ZDHHC14: variants seen among roughly 807,000 people sequenced by gnomAD.
The protein encoded by ZDHHC14 is palmitoyltransferase ZDHHC14.
In ZDHHC14, 16 loss-of-function variants were observed where a neutral mutation model predicts 47.7. The ratio of observed to expected loss-of-function variants is 0.34; its 90% CI spans 0.23 to 0.51. ZDHHC14 has a LOEUF of 0.51. Among genes scored for constraint, ZDHHC14 ranks in the 20% least tolerant of loss-of-function variants. The pLI is 0.97. For missense variants in ZDHHC14, 515 were observed against 662.5 expected, an observed-to-expected ratio of 0.78 and a Z score of 2.44; for synonymous variants, 293 against 278.9, an observed-to-expected ratio of 1.05 and a Z score of -0.50.
intron 1 of ZDHHC14, among the ~76,000 whole-genome samples, chr6:157,382,616 A>T (rs3861977): frequency 0.092 from 14,050 of 152,164 alleles, 779 homozygotes; most frequent in Middle Eastern, 0.16. Context: ...ATCAGCCCAG[A>T]TGTAGCCTGC....
chr6:157,566,577 G>A (rs1483309222), intron 2 of ZDHHC14, among the ~76,000 whole-genome samples: 1 of 152,182 alleles, frequency 6.6e-6, no homozygotes, highest in Non-Finnish European at 1.5e-5. Flanking sequence ...GCTCTTTCAG[G>A]GTAGGTCCGA....
intron 1 of ZDHHC14, among the ~76,000 whole-genome samples, chr6:157,439,038 A>G (rs1778505886): frequency 6.6e-6 from 1 of 152,162 alleles, no homozygotes. Context: ...AGTTCATGTG[A>G]GGGTCATTGA....
At position 157,586,025 on chromosome 6, in the gene ZDHHC14, G is replaced by A. The variant is rs1356718748; in HGVS notation, c.407-6963G>A. On this transcript the variant is annotated intron_variant, in intron 2 of 8. Coordinates refer to ENST00000359775, the MANE Select transcript of ZDHHC14 (RefSeq NM_024630.3). The surrounding 1 kb of genome is among the most constrained non-coding windows in gnomAD (Gnocchi z 4.6). ...CTATGTGCTAGACTCTCTGCTGGAT[G>A]ATGGGGACTTGAAAGTGGATAGGCC... Among the ~76,000 whole-genome samples the A allele has an allele frequency of 6.6e-6, 1 of 152,222 alleles. No homozygotes were observed. The highest frequency in any genetic ancestry group is 2.4e-5 in the African/African-American group (1 of 41,456).
intron 3 of ZDHHC14, among the ~76,000 whole-genome samples, chr6:157,611,688 G>A (rs892891275): frequency 6.6e-6 from 1 of 152,188 alleles, no homozygotes. Context: ...TTTCTGCCTG[G>A]AATTGTCAAA....
chr6:157,621,081 C>T (rs192506859), intron 3 of ZDHHC14, among the ~76,000 whole-genome samples: 105 of 152,262 alleles, frequency 6.9e-4, no homozygotes, highest in African/African-American at 2.5e-3. Flanking sequence ...CCTGAGTCAT[C>T]GGACACAGTA....
intron 1 of ZDHHC14, among the ~76,000 whole-genome samples, chr6:157,532,406 T>G (rs1329028900): frequency 6.6e-6 from 1 of 152,214 alleles, no homozygotes; most frequent in Non-Finnish European, 1.5e-5. Context: ...ATTTAATTTG[T>G]ATAGCATTTG....
At chr6:157,659,820 A>G (rs894392635) in intron 8 of ZDHHC14, among the ~76,000 whole-genome samples, 1 of 152,248 alleles carries the variant, frequency 6.6e-6, no homozygotes, top group Non-Finnish European at 1.5e-5. Flanking sequence ...AATCAATAAA[A>G]AAGTTCTTGC....
At chr6:157,383,508 A>C (rs1777253932) in intron 1 of ZDHHC14, among the ~76,000 whole-genome samples, 2 of 152,232 alleles carry the variant, frequency 1.3e-5, no homozygotes, top group South Asian at 4.1e-4. Flanking sequence ...TCAATTGGAA[A>C]TGAATGATCT....
intron 1 of ZDHHC14, among the ~76,000 whole-genome samples, chr6:157,517,530 C>G (rs1016834203): frequency 1.3e-5 from 2 of 152,142 alleles, no homozygotes; most frequent in Admixed American, 6.5e-5. Context: ...AGGTTGATCT[C>G]GAACTCCTGA....
chr6:157,423,193 G>A (rs970541791), intron 1 of ZDHHC14, among the ~76,000 whole-genome samples: 1 of 152,132 alleles, frequency 6.6e-6, no homozygotes, highest in African/African-American at 2.4e-5. Context: ...GACTTTTCAT[G>A]TGACTTTAGG....
intron 1 of ZDHHC14, among the ~76,000 whole-genome samples, chr6:157,479,014 T>C (rs1189662291): frequency 6.6e-6 from 1 of 152,212 alleles, no homozygotes; most frequent in Non-Finnish European, 1.5e-5. Flanking sequence ...AGACATAATG[T>C]CAGCCAACTG....
rs188319375 is a variant in ZDHHC14, at chr6:157,536,327, G to T, written c.246-6258G>T. Among the ~76,000 whole-genome samples, 292 of 152,186 alleles carry T rather than the reference G, an allele frequency of 1.9e-3. 1 individual carries two copies. The Middle Eastern group carries it at 0.024, about 12-fold the overall frequency. On this transcript the variant is annotated intron_variant, in intron 1 of 8. Coordinates refer to ENST00000359775, the MANE Select transcript of ZDHHC14 (RefSeq NM_024630.3). ...GGACAGACCAAAAATATCAAATGTA[G>T]GCCATTTGCTGCAGTCAGGAGTCAT...
At chr6:157,566,782 T>C (rs1782920113) in intron 2 of ZDHHC14, among the ~76,000 whole-genome samples, 1 of 152,000 alleles carries the variant, frequency 6.6e-6, no homozygotes, top group African/African-American at 2.4e-5. Flanking sequence ...ACCCACATTG[T>C]GTGTGTTTGG....
intron 2 of ZDHHC14, among the ~76,000 whole-genome samples, chr6:157,573,260 G>T (rs1783169312): frequency 6.6e-6 from 1 of 152,094 alleles, no homozygotes; most frequent in Non-Finnish European, 1.5e-5. Context: ...CGCGGTCAGG[G>T]CTCTCCAACC....
intron 1 of ZDHHC14, among the ~76,000 whole-genome samples, chr6:157,442,670 G>A (rs1778584174): frequency 6.6e-6 from 1 of 152,162 alleles, no homozygotes; most frequent in African/African-American, 2.4e-5. Flanking sequence ...ACCCTGGAGG[G>A]CACGAGGTTA....
chr6:157,507,500 T>TC (rs1780356077), intron 1 of ZDHHC14, among the ~76,000 whole-genome samples: 1 of 152,168 alleles, frequency 6.6e-6, no homozygotes, highest in African/African-American at 2.4e-5. Context: ...TACACTGGTC[T>TC]CCAACTCCTG....
At chr6:157,578,246 C>T (rs1207554731) in intron 2 of ZDHHC14, among the ~76,000 whole-genome samples, 1 of 152,114 alleles carries the variant, frequency 6.6e-6, no homozygotes, top group African/African-American at 2.4e-5. Context: ...CTATTGGTGT[C>T]TTCATCATAA....
At chr6:157,503,622 A>T (rs140507266) in intron 1 of ZDHHC14, among the ~76,000 whole-genome samples, 3,202 of 152,224 alleles carry the variant, frequency 0.021, 113 homozygotes, top group African/African-American at 0.073. Context: ...CTCCTATTGA[A>T]TTTTGGATTA....
intron 4 of ZDHHC14, 170 bp downstream of exon 4, chr6:157,628,656 C>T: frequency 2.4e-6 from 2 of 822,016 alleles, no homozygotes; most frequent in Non-Finnish European, 3.8e-6. Flanking sequence ...TCACCCTCCT[C>T]CATCCCTCCT....
Sources: allele counts gnomAD v4.1 joint callset (sites outside exome capture counted in the v4.1 genomes callset), GRCh38; gene constraint gnomAD v4.1.1; non-coding constraint Gnocchi (gnomAD v3.1); transcripts MANE v1.5; gene names NCBI Gene and HGNC (gene_info 2026-07-23, HGNC 2026-07-21).